SHISA8: variants seen among roughly 807,000 people sequenced by gnomAD.
SHISA8 encodes the protein protein shisa-8.
In SHISA8, 21 loss-of-function variants were observed where a neutral mutation model predicts 21.1. That is an observed-to-expected ratio of 0.99 (90% CI 0.71 to 1.43). The LOEUF is 1.43. Ranked by LOEUF, SHISA8 falls within the 40% of genes most tolerant of loss-of-function variation. SHISA8 has a pLI of 0.00. For missense variants in SHISA8, 535 were observed against 599.1 expected (o/e 0.89, Z 1.12); for synonymous variants, 300 against 291.4 (o/e 1.03, Z -0.30).
At position 41,910,391 on chromosome 22, in the gene SHISA8, C is replaced by T; in HGVS notation, c.811+17G>A. ...GTGCGCCCAGGTGCCCTGACGCTGCCCGCACCCGCCACTCACCTGCGGCCT... is the reference window on the plus strand; with the variant it reads ...GTGCGCCCAGGTGCCCTGACGCTGCTCGCACCCGCCACTCACCTGCGGCCT... On this transcript the variant is annotated intron_variant, in intron 3 of 3. Transcript: ENST00000621082. This position sits in a 1 kb window ranked among gnomAD's most constrained non-coding sequence, Gnocchi z 6.8. 1 of 1,301,080 alleles carries T rather than the reference C, an allele frequency of 7.7e-7. No individual in the cohort carries two copies. The highest frequency in any genetic ancestry group is 2.2e-5 in the South Asian group (1 of 45,422). 80.6% of individuals were successfully genotyped at this position (1,301,080 alleles called of 1,614,324 possible).
At position 41,910,492 on chromosome 22, in the gene SHISA8, G is replaced by C. The variant is rs2077543241; in HGVS notation, c.727C>G (p.Arg243Gly). 7.9e-7 allele frequency: 1 copy of C among 1,260,654 alleles called. No homozygotes were observed. The highest frequency in any genetic ancestry group is 9.9e-7 in the Non-Finnish European group (1 of 1,010,214). The allele number at this position is 1,260,654 out of a possible 1,614,324, so 78.1% of individuals were successfully genotyped here. A position where few individuals can be genotyped will look rare whatever the true frequency, so the allele number is the denominator to read the frequency against. Residue 243 changes from arginine to glycine, a missense_variant, in exon 3 of 4, where the codon CGG becomes GGG. Transcript: ENST00000621082. This position sits in a 1 kb window ranked among gnomAD's most constrained non-coding sequence, Gnocchi z 6.8. ...SAAPGPPRGPRLQGGGSLTLQ... is the reference protein window; with the variant it reads ...SAAPGPPRGPGLQGGGSLTLQ... Reference sequence around the variant, plus strand: ...GTCAGGCTGCCGCCGCCCTGCAGCCGCGGGCCGCGCGGGGGCCCCGGGGCG... The same window carrying C: ...GTCAGGCTGCCGCCGCCCTGCAGCCCCGGGCCGCGCGGGGGCCCCGGGGCG...
chr22:41,911,445 C>T, intron 1 of SHISA8, 96 bp from the exon 2 acceptor site: 1 of 1,209,124 alleles, frequency 8.3e-7, no homozygotes, highest in Non-Finnish European at 1.0e-6. Flanking sequence ...CTGGGCAGTT[C>T]TTTCGGCCTC....
chr22:41,911,089 A>C (rs2077550030), intron 2 of SHISA8, 127 bp downstream of exon 2: 1 of 1,182,422 alleles, frequency 8.5e-7, no homozygotes. Context: ...CGGGCCCCTC[A>C]CCCGCAGAGG....
rs1403926511 is a variant in SHISA8, at chr22:41,914,515, C to A, written c.153G>T (p.Thr51=). ...PEAQGPAAPG[T]TAPEGGDRCR... ...AGCGGTCGCCCCCCTCCGGGGCTGT[C>A]GTGCCGGGCGCCGCGGGACCCTGCG... The change falls in exon 1 of 4, where the codon ACG becomes ACT. Residue 51 remains threonine (T), a synonymous_variant. Transcript: ENST00000621082. The surrounding 1 kb of genome is among the most constrained non-coding windows in gnomAD (Gnocchi z 6.8). The A allele has an allele frequency of 6.5e-6, 8 of 1,229,192 alleles. No individual in the cohort carries two copies. Among genetic ancestry groups the A allele is most frequent in the African/African-American group, 1.6e-5 (1 of 63,188 alleles). 76.1% of individuals were successfully genotyped at this position (1,229,192 alleles called of 1,614,324 possible). A position where few individuals can be genotyped will look rare whatever the true frequency, so the allele number is the denominator to read the frequency against.
chr22:41,911,827 C>T (rs933682330), intron 1 of SHISA8, among the ~76,000 whole-genome samples: 3 of 152,190 alleles, frequency 2.0e-5, no homozygotes, highest in African/African-American at 4.8e-5. Flanking sequence ...CTCACTGCAA[C>T]CTCCACCTCC....
chr22:41,909,787 C>T lies in SHISA8; in HGVS notation c.1172G>A (p.Ser391Asn). The change falls in exon 4 of 4, where the codon AGC becomes AAC. Residue 391 changes from serine (S) to asparagine (N), a missense_variant. Ser to Asn is a conservative substitution (Grantham distance 46). Transcript: ENST00000621082. ...GCTTCACACGGTGACCTCGGTCTTG[C>T]TATTGGTCCTTAGGTACCGGGACCC... ...GRGSRYLRTN[S>N]KTEVTV 6.7e-7 allele frequency: 1 copy of T among 1,495,294 alleles called. No individual in the cohort carries two copies. The highest frequency in any genetic ancestry group is 8.9e-7 in the Non-Finnish European group (1 of 1,127,150). The allele number at this position is 1,495,294 out of a possible 1,614,324, so 92.6% of individuals were successfully genotyped here. A position where few individuals can be genotyped will look rare whatever the true frequency, so the allele number is the denominator to read the frequency against.
Position 41,914,641 on chromosome 22 carries a change from C to G in SHISA8, c.27G>C (p.Leu9=). 1 of 1,030,584 alleles carries G rather than the reference C, an allele frequency of 9.7e-7. No homozygotes were observed. Among genetic ancestry groups the G allele is most frequent in the South Asian group, 4.5e-5 (1 of 22,332 alleles). The allele number at this position is 1,030,584 out of a possible 1,614,324, so 63.8% of individuals were successfully genotyped here. A position where few individuals can be genotyped will look rare whatever the true frequency, so the allele number is the denominator to read the frequency against. Residue 9 remains leucine (L), a synonymous_variant, in exon 1 of 4, where the codon CTG becomes CTC. Coordinates refer to ENST00000621082, the MANE Select transcript of SHISA8 (RefSeq NM_001207020.3). This position sits in a 1 kb window ranked among gnomAD's most constrained non-coding sequence, Gnocchi z 6.8. ...GGCCGGGAGGACGGCGGCCGCCGAG[C>G]AGTCCCCGCGCCCCGGCCCGCGCCA... MARAGARG[L]LGGRRPPGLR...
chr22:41,910,409 TG>T lies in SHISA8; in HGVS notation c.809del (p.Ala270GlufsTer94). The T allele has an allele frequency of 7.4e-7, 1 of 1,348,086 alleles. No homozygotes were observed. Among genetic ancestry groups the T allele is most frequent in the South Asian group, 1.8e-5 (1 of 55,206 alleles). 83.5% of individuals were successfully genotyped at this position (1,348,086 alleles called of 1,614,324 possible). A position where few individuals can be genotyped will look rare whatever the true frequency, so the allele number is the denominator to read the frequency against. ...ATFKAAALKA[A>X]EAAPRDFCQR... ...ACGCTGCCCGCACCCGCCACTCACC[TG>T]CGGCCTTGAGCGCGGCGGCCTTGAA... is the stretch of plus-strand genomic sequence containing the variant. On this transcript the variant is annotated frameshift_variant and splice_region_variant, in exon 3 of 4. Transcript: ENST00000621082. LOFTEE classifies it low-confidence loss of function (END_TRUNC). This position sits in a 1 kb window ranked among gnomAD's most constrained non-coding sequence, Gnocchi z 6.8.
rs564077912 is a variant in SHISA8 at position 41,914,596 on chromosome 22, AAGCGCG to A, written c.66_71del (p.Ala23_Leu24del). 2 of 1,111,874 alleles carry A rather than the reference AAGCGCG, an allele frequency of 1.8e-6. No individual in the cohort carries two copies. Among genetic ancestry groups the A allele is most frequent in the Non-Finnish European group, 2.2e-6 (2 of 913,726 alleles). 68.9% of individuals were successfully genotyped at this position (1,111,874 alleles called of 1,614,324 possible). A position where few individuals can be genotyped will look rare whatever the true frequency, so the allele number is the denominator to read the frequency against. ...GCCGCGCCAGCAGCAACGCGAGCCG[AAGCGCG>A]AGCGCGAGCCGGAGGCCGGGAGGAC... On this transcript the variant is annotated inframe_deletion, in exon 1 of 4. Coordinates refer to ENST00000621082, the MANE Select transcript of SHISA8 (RefSeq NM_001207020.3). The surrounding 1 kb of genome is among the most constrained non-coding windows in gnomAD (Gnocchi z 6.8).
In SHISA8 at chr22:41,910,613, G is replaced by A; in HGVS notation, c.665-59C>T. 8.2e-7 allele frequency: 1 copy of A among 1,215,176 alleles called. No individual in the cohort carries two copies. The allele number at this position is 1,215,176 out of a possible 1,614,324, so 75.3% of individuals were successfully genotyped here. On this transcript the variant is annotated intron_variant, in intron 2 of 3. Transcript: ENST00000621082. The surrounding 1 kb of genome is among the most constrained non-coding windows in gnomAD (Gnocchi z 6.8). Reference sequence around the variant, plus strand: ...TGCCCCGGTTCACTCCGCCCTCGCTGTCACCTCTCCGTAGTCCTCTCCCCG... The same window carrying A: ...TGCCCCGGTTCACTCCGCCCTCGCTATCACCTCTCCGTAGTCCTCTCCCCG...
intron 2 of SHISA8, 71 bp downstream of exon 2, chr22:41,911,145 G>A (rs938770469): frequency 7.2e-6 from 9 of 1,246,326 alleles, no homozygotes; most frequent in Admixed American, 4.2e-5. Flanking sequence ...CCAGCCGAGG[G>A]ACCGCCTCTC....
At position 41,914,379 on chromosome 22, in the gene SHISA8, C is replaced by A; in HGVS notation, c.289G>T (p.Gly97Trp). ...CGGCTCTGGTCGAGGCGCCGCGGCC[C>A]GTCGTGGCAGCAGAAGCGGTAGCCG... ...TCGYRFCCHD[G>W]PRRLDQSRCS... The change falls in exon 1 of 4, where the codon GGG becomes TGG. Residue 97 changes from glycine (G) to tryptophan (W), a missense_variant. Coordinates refer to ENST00000621082, the MANE Select transcript of SHISA8 (RefSeq NM_001207020.3). This position sits in a 1 kb window ranked among gnomAD's most constrained non-coding sequence, Gnocchi z 6.8. 1 of 1,305,110 alleles carries A rather than the reference C, an allele frequency of 7.7e-7. No homozygotes were observed. Among genetic ancestry groups the A allele is most frequent in the Non-Finnish European group, 9.7e-7 (1 of 1,025,726 alleles). 80.8% of individuals were successfully genotyped at this position (1,305,110 alleles called of 1,614,324 possible).
intron 1 of SHISA8, among the ~76,000 whole-genome samples, chr22:41,913,236 G>C (rs1257518455): frequency 6.6e-6 from 1 of 152,256 alleles, no homozygotes; most frequent in East Asian, 1.9e-4. Context: ...TCCACATCTG[G>C]CCTGCCAGGG....
intron 1 of SHISA8, 139 bp from the exon 2 acceptor site, chr22:41,911,488 G>C: frequency 3.1e-6 from 3 of 957,274 alleles, no homozygotes; most frequent in Non-Finnish European, 4.1e-6. Flanking sequence ...TCGAAATCAC[G>C]CACGAGTTTC....
Position 41,910,107 on chromosome 22 carries a change from G to C in SHISA8, c.852C>G (p.Leu284=). The change falls in exon 4 of 4, where the codon CTC becomes CTG. Residue 284 remains leucine, a synonymous_variant. Transcript: ENST00000621082. The surrounding 1 kb of genome is among the most constrained non-coding windows in gnomAD (Gnocchi z 6.8). ...PRDFCQRFPA[L]EPSPRQPPAR... is the part of the protein sequence containing the mutation. Reference sequence around the variant, plus strand: ...CCGGGGGTTGCCGCGGGGACGGCTCGAGGGCGGGGAAACGCTGACAGAAGT... The same window carrying C: ...CCGGGGGTTGCCGCGGGGACGGCTCCAGGGCGGGGAAACGCTGACAGAAGT... 8.1e-7 allele frequency: 1 copy of C among 1,239,540 alleles called. No individual in the cohort carries two copies. The highest frequency in any genetic ancestry group is 3.1e-4 in the Middle Eastern group (1 of 3,222). The allele number at this position is 1,239,540 out of a possible 1,614,324, so 76.8% of individuals were successfully genotyped here. A position where few individuals can be genotyped will look rare whatever the true frequency, so the allele number is the denominator to read the frequency against.
At position 41,909,941 on chromosome 22, in the gene SHISA8, T is replaced by G. The variant is rs1179007170; in HGVS notation, c.1018A>C (p.Ser340Arg). The G allele has an allele frequency of 1.3e-6, 2 of 1,515,194 alleles. No homozygotes were observed. Among genetic ancestry groups the G allele is most frequent in the Non-Finnish European group, 1.8e-6 (2 of 1,138,072 alleles). The allele number at this position is 1,515,194 out of a possible 1,614,324, so 93.9% of individuals were successfully genotyped here. Residue 340 changes from serine (S) to arginine (R), a missense_variant, in exon 4 of 4, where the codon AGC becomes CGC. Coordinates refer to ENST00000621082, the MANE Select transcript of SHISA8 (RefSeq NM_001207020.3). ...SSRPARPAPL[S>R]HPTARAFQVP... Reference sequence around the variant, plus strand: ...TGGAAGGCCCGAGCCGTCGGGTGGCTGAGCGGGGCGGGCCGGGCCGGGCGA... The same window carrying G: ...TGGAAGGCCCGAGCCGTCGGGTGGCGGAGCGGGGCGGGCCGGGCCGGGCGA...
At chr22:41,911,077 G>C in intron 2 of SHISA8, 139 bp downstream of exon 2, 1 of 1,135,982 alleles carries the variant, frequency 8.8e-7, no homozygotes, top group Non-Finnish European at 1.1e-6. Context: ...TGGCTGGCCG[G>C]TCGGGCCCCT....
intron 1 of SHISA8, among the ~76,000 whole-genome samples, chr22:41,913,047 C>A (rs1355635165): frequency 6.6e-6 from 1 of 152,246 alleles, no homozygotes; most frequent in Non-Finnish European, 1.5e-5. Context: ...AGAAGCCAGG[C>A]CAGGAGGCTC....
In SHISA8 at chr22:41,910,127, A is replaced by G. The variant is rs1477743624; in HGVS notation, c.832T>C (p.Cys278Arg). The change falls in exon 4 of 4, where the codon TGT becomes CGT. Residue 278 changes from cysteine to arginine, a missense_variant. Transcript: ENST00000621082. The surrounding 1 kb of genome is among the most constrained non-coding windows in gnomAD (Gnocchi z 6.8). The stretch of plus-strand genomic sequence containing the variant: ...GGCTCGAGGGCGGGGAAACGCTGAC[A>G]GAAGTCCCGCGGGGCGGCCTCTGCG... ...KAAEAAPRDF[C>R]QRFPALEPSP... 2 of 1,237,912 alleles carry G rather than the reference A, an allele frequency of 1.6e-6. No individual in the cohort carries two copies. The highest frequency in any genetic ancestry group is 4.3e-5 in the Admixed American group (1 of 23,438). The allele number at this position is 1,237,912 out of a possible 1,614,324, so 76.7% of individuals were successfully genotyped here.
Sources: gnomAD v4.1 joint callset for allele counts (sites outside exome capture counted in the v4.1 genomes callset) on GRCh38, gnomAD v4.1.1 for gene constraint, Gnocchi (gnomAD v3.1) non-coding constraint, MANE v1.5 for transcripts, NCBI Gene and HGNC (gene_info 2026-07-23, HGNC 2026-07-21) for gene names.